Variants in TNK2 observed in about 807,000 individuals in gnomAD.
TNK2 encodes the protein tyrosine kinase non receptor 2.
TNK2 carries 83 observed loss-of-function variants against 101.8 expected under a neutral mutation model. The ratio of observed to expected loss-of-function variants is 0.82; its 90% CI spans 0.68 to 0.98. The LOEUF (loss-of-function observed/expected upper bound fraction) is 0.98. Among genes scored for constraint, TNK2 ranks in the 50% least tolerant of loss-of-function variants. TNK2 has a pLI of 0.00. For synonymous variants in TNK2, 804 were observed against 633.0 expected, an observed-to-expected ratio of 1.27 and a Z score of -4.06; for missense variants, 1,665 against 1,483.2, an observed-to-expected ratio of 1.12 and a Z score of -2.01.
At chr3:195,905,216 T>C (rs1035373629) in intron 1 of TNK2, among the ~76,000 whole-genome samples, 4 of 152,186 alleles carry the variant, frequency 2.6e-5, no homozygotes, top group East Asian at 1.9e-4. Context: ...CTTTTTCTTT[T>C]TGAGATGGAG....
intron 1 of TNK2, among the ~76,000 whole-genome samples, chr3:195,905,243 G>A (rs554590263): frequency 1.4e-4 from 22 of 151,926 alleles, no homozygotes; most frequent in East Asian, 3.9e-4. Flanking sequence ...ACTGTCGCCC[G>A]GGCTGGAATG....
chr3:195,895,391 G>A lies in TNK2; in HGVS notation c.-18-6785C>T, dbSNP rs772108512. On this transcript the variant is annotated intron_variant, in intron 1 of 15. Coordinates refer to ENST00000672887, the MANE Select transcript of TNK2 (RefSeq NM_001382273.1). ...GGCACCGGCAGCGTCACTGCCCTGC[G>A]TCCTGGGGGGCCGGGCCTCGAGCAT... 5.8e-6 allele frequency: 9 copies of A among 1,539,626 alleles called. No homozygotes were observed. In the African/African-American group the frequency reaches 1.1e-4, roughly 20 times the overall value.
Position 195,867,199 on chromosome 3 carries a change from C to G in TNK2, c.3003G>C (p.Trp1001Cys), listed in dbSNP as rs1205311651. ...GATACTGGGCAGCCCTCTGCACGCT[C>G]CAGCCGTGGCACTGCAGGGCCGCCT... ...ECQAALQCHG[W>C]SVQRAAQYLK... is the part of the protein sequence containing the mutation. Residue 1001 changes from tryptophan to cysteine, a missense_variant, in exon 14 of 16, where the codon TGG becomes TGC. Trp to Cys is a radical substitution (Grantham distance 215). This residue lies in a region of TNK2 where 1,136 missense variants were observed against 894.9 expected (regional missense o/e 1.27). Transcript: ENST00000672887. The G allele has an allele frequency of 6.2e-7, 1 of 1,613,036 alleles. No homozygotes were observed. The highest frequency in any genetic ancestry group is 2.2e-5 in the East Asian group (1 of 44,874).
chr3:195,896,029 G>C (rs1351020638), intron 1 of TNK2: 1 of 421,526 alleles, frequency 2.4e-6, no homozygotes, highest in East Asian at 1.1e-4. Flanking sequence ...CGCCGCACGC[G>C]CTGTGCGCTG....
In TNK2 at chr3:195,892,148, A is replaced by G. The variant is rs1758751490; in HGVS notation, c.-18-3542T>C. On this transcript the variant is annotated intron_variant, in intron 1 of 15. Coordinates refer to ENST00000672887, the MANE Select transcript of TNK2 (RefSeq NM_001382273.1). Reference sequence around the variant, plus strand: ...TCCTCCAGAGTTCAAACACTCTCCAATTCTGCATGGTCCTGGCCCCCGCAC... The same window carrying G: ...TCCTCCAGAGTTCAAACACTCTCCAGTTCTGCATGGTCCTGGCCCCCGCAC... 1.2e-5 allele frequency: 7 copies of G among 572,202 alleles called. No homozygotes were observed. In the South Asian group the frequency reaches 2.6e-4, roughly 21 times the overall value. The allele number at this position is 572,202 out of a possible 1,614,324, so 35.4% of individuals were successfully genotyped here. A position where few individuals can be genotyped will look rare whatever the true frequency, so the allele number is the denominator to read the frequency against.
chr3:195,878,993 G>T lies in TNK2; in HGVS notation c.1014+56C>A. 1 of 1,592,810 alleles carries T rather than the reference G, an allele frequency of 6.3e-7. No individual in the cohort carries two copies. Among genetic ancestry groups the T allele is most frequent in the Non-Finnish European group, 8.6e-7 (1 of 1,169,550 alleles). On this transcript the variant is annotated intron_variant, in intron 7 of 15. Transcript: ENST00000672887. The surrounding 1 kb of genome is among the most constrained non-coding windows in gnomAD (Gnocchi z 4.7). ...CAGTTCCAGCAGGGCCAGGCTGCAA[G>T]CAGGGAATGGAATTCACCCCACCAG...
At chr3:195,868,815 C>T in intron 12 of TNK2, 106 bp from the exon 13 acceptor site, 1 of 1,319,776 alleles carries the variant, frequency 7.6e-7, no homozygotes, top group Non-Finnish European at 1.0e-6. Flanking sequence ...CAGCAACCCT[C>T]CACTCCCAAC....
intron 1 of TNK2, among the ~76,000 whole-genome samples, chr3:195,902,437 G>A (rs1761298251): frequency 6.6e-6 from 1 of 152,024 alleles, no homozygotes; most frequent in Non-Finnish European, 1.5e-5. Flanking sequence ...GGCCAACATG[G>A]TGAAACCCCA....
chr3:195,877,928 A>C (rs2149444660), intron 9 of TNK2, among the ~76,000 whole-genome samples: 1 of 152,070 alleles, frequency 6.6e-6, no homozygotes, highest in East Asian at 1.9e-4. Context: ...AGCGGGGAGG[A>C]GCAGAGGAGG....
intron 1 of TNK2, chr3:195,892,438 C>G: frequency 6.5e-7 from 1 of 1,535,526 alleles, no homozygotes; most frequent in Non-Finnish European, 8.7e-7. Context: ...GCAGTCTGGC[C>G]AGGAGAGGGA....
intron 2 of TNK2, 78 bp from the exon 3 acceptor site, chr3:195,887,125 G>T: frequency 6.8e-7 from 1 of 1,469,172 alleles, no homozygotes; most frequent in Non-Finnish European, 9.5e-7. Context: ...GTCCCCTTGG[G>T]GGTGAGCCTG....
intron 2 of TNK2, among the ~76,000 whole-genome samples, chr3:195,887,502 A>G (rs1050237519): frequency 1.3e-5 from 2 of 152,216 alleles, no homozygotes; most frequent in African/African-American, 2.4e-5. Flanking sequence ...CTATTTAGCT[A>G]TTTTAACTAA....
In TNK2 at chr3:195,868,445, G is replaced by A. The variant is rs1742455011; in HGVS notation, c.1853C>T (p.Thr618Ile). The change falls in exon 13 of 16, where the codon ACC (threonine) becomes ATC (isoleucine). Residue 618 changes from threonine (T) to isoleucine (I), a missense_variant. Thr to Ile is a moderately conservative substitution (Grantham distance 89, BLOSUM62 -1). This residue lies in a region of TNK2 where 1,136 missense variants were observed against 894.9 expected (regional missense o/e 1.27). Transcript: ENST00000672887. The part of the protein sequence containing the change: ...AMDACSLLDE[T>I]PPQSPTRALP... Reference sequence around the variant, plus strand: ...TGCCCGCGTGGGGCTCTGAGGCGGGGTCTCGTCCAGCAGGGAGCAGGCGTC... The same window carrying A: ...TGCCCGCGTGGGGCTCTGAGGCGGGATCTCGTCCAGCAGGGAGCAGGCGTC... 1.3e-6 allele frequency: 2 copies of A among 1,564,674 alleles called. No homozygotes were observed. The highest frequency in any genetic ancestry group is 1.7e-6 in the Non-Finnish European group (2 of 1,164,652).
At chr3:195,870,251 A>AG in intron 10 of TNK2, 46 bp from the exon 11 acceptor site, 1 of 1,597,728 alleles carries the variant, frequency 6.3e-7, no homozygotes, top group South Asian at 1.1e-5. Context: ...AAGCGTGTGG[A>AG]GGGGTGGCAG....
chr3:195,900,549 G>A (rs758952852), intron 1 of TNK2, among the ~76,000 whole-genome samples: 9 of 152,174 alleles, frequency 5.9e-5, no homozygotes, highest in African/African-American at 2.2e-4. Flanking sequence ...GAGTGTCAAC[G>A]CCGACACAAA....
intron 2 of TNK2, among the ~76,000 whole-genome samples, chr3:195,887,960 GT>G (rs1756813557): frequency 9.3e-6 from 1 of 107,506 alleles, no homozygotes; most frequent in Non-Finnish European, 2.2e-5. Flanking sequence ...GCCTGCGTGT[GT>G]GTGTGTGTGT....
At chr3:195,873,705 T>G (rs1747094905) in intron 9 of TNK2, among the ~76,000 whole-genome samples, 1 of 152,066 alleles carries the variant, frequency 6.6e-6, no homozygotes, top group Non-Finnish European at 1.5e-5. Context: ...TGGCGACGCC[T>G]GGGCACCCAG....
At chr3:195,876,014 C>T (rs769514183) in intron 9 of TNK2, among the ~76,000 whole-genome samples, 4 of 152,194 alleles carry the variant, frequency 2.6e-5, no homozygotes, top group African/African-American at 7.2e-5. Flanking sequence ...GGGTCCCAGG[C>T]GCCCAGGCCT....
At position 195,886,920 on chromosome 3, in the gene TNK2, G is replaced by GGA. The variant is rs1366611418; in HGVS notation, c.234+55_234+56dup. ...GGGGAAGGTTCCCAGGACCAGAAGC[G>GGA]GAGGGGGGCGTTCGAGGCTGCCCCC... On this transcript the variant is annotated intron_variant, in intron 3 of 15. Transcript: ENST00000672887. The surrounding 1 kb of genome is among the most constrained non-coding windows in gnomAD (Gnocchi z 4.2). 53 of 1,585,914 alleles carry GGA rather than the reference G, an allele frequency of 3.3e-5. No individual in the cohort carries two copies. Among genetic ancestry groups the GGA allele is most frequent in the Non-Finnish European group, 4.2e-5 (48 of 1,154,398 alleles).
Sources: allele counts gnomAD v4.1 joint callset (sites outside exome capture counted in the v4.1 genomes callset), GRCh38; gene constraint gnomAD v4.1.1; regional missense constraint gnomAD v4.1.1; non-coding constraint Gnocchi (gnomAD v3.1); transcripts MANE v1.5; gene names NCBI Gene and HGNC (gene_info 2026-07-23, HGNC 2026-07-21).